The following ARID1B variants were observed in gnomAD, a reference collection of about 807,000 sequenced individuals.
ARID1B encodes the protein AT-rich interaction domain 1B.
Under a neutral mutation model 212.3 loss-of-function variants are expected in ARID1B, and 30 were observed. The observed-to-expected ratio is 0.14, with a 90% CI of 0.11 to 0.19. The LOEUF (loss-of-function observed/expected upper bound fraction) is 0.19. Among genes scored for constraint, ARID1B ranks in the 10% least tolerant of loss-of-function variants. ARID1B has a pLI of 1.00. For synonymous variants in ARID1B, 1,402 were observed against 1,301.7 expected, an observed-to-expected ratio of 1.08 and a Z score of -1.66; for missense variants, 2,891 against 3,204.0, an observed-to-expected ratio of 0.90 and a Z score of 2.36.
rs148319878 is a variant in ARID1B at position 157,129,789 on chromosome 6, T to C, written c.2582-3239T>C. Among the ~76,000 whole-genome samples the C allele has an allele frequency of 6.6e-5, 10 of 152,332 alleles. No homozygotes were observed. The East Asian group carries it at 1.9e-3, about 29-fold the overall frequency. On this transcript the variant is annotated intron_variant, in intron 6 of 19. Transcript: ENST00000636930. The stretch of plus-strand genomic sequence containing the variant: ...AGGACTGAGTAAATAGAAAAAGAAA[T>C]ACCTTGCCTAGGTAAGAATTCTTAG...
chr6:156,778,970 G>GGCAGCA lies in ARID1B; in HGVS notation c.1295_1300dup (p.Ala432_Ala433dup), dbSNP rs797045267. The GGCAGCA allele has an allele frequency of 2.0e-5, 25 of 1,280,992 alleles. No homozygotes were observed. The highest frequency in any genetic ancestry group is 4.8e-5 in the African/African-American group (3 of 63,008). 79.4% of individuals were successfully genotyped at this position (1,280,992 alleles called of 1,614,324 possible). A position where few individuals can be genotyped will look rare whatever the true frequency, so the allele number is the denominator to read the frequency against. On this transcript the variant is annotated inframe_insertion, in exon 1 of 20. Transcript: ENST00000636930. ...TGGCGGCGGCGGCCGCGGCGGCGGC[G>GGCAGCA]GCAGCAGCAGGAGGCGGCGGCGGCG...
intron 2 of ARID1B, among the ~76,000 whole-genome samples, chr6:156,866,294 G>A (rs1318081478): frequency 1.3e-5 from 2 of 152,150 alleles, no homozygotes; most frequent in African/African-American, 4.8e-5. Context: ...CCAGGGTGAA[G>A]GAGGAGCTGT....
intron 4 of ARID1B, among the ~76,000 whole-genome samples, chr6:157,039,742 TC>T (rs1781686457): frequency 1.4e-5 from 1 of 71,044 alleles, no homozygotes; most frequent in Non-Finnish European, 2.7e-5. Flanking sequence ...CCTCCCTCCC[TC>T]CCTTCCTTCC....
At chr6:157,191,950 A>G (rs1216773125) in intron 15 of ARID1B, among the ~76,000 whole-genome samples, 8 of 152,208 alleles carry the variant, frequency 5.3e-5, no homozygotes, top group African/African-American at 1.4e-4. Context: ...AACAATGGAG[A>G]GTCTTTAAAA....
chr6:156,819,795 G>A (rs774410193), intron 1 of ARID1B, among the ~76,000 whole-genome samples: 3 of 152,198 alleles, frequency 2.0e-5, no homozygotes, highest in Non-Finnish European at 2.9e-5. Flanking sequence ...TTCAGGGAGG[G>A]CTCCTCTAAG....
chr6:157,144,648 C>T (rs764598607), intron 7 of ARID1B, among the ~76,000 whole-genome samples: 42 of 150,406 alleles, frequency 2.8e-4, no homozygotes, highest in Admixed American at 6.6e-4. Context: ...AGGGAAAAGT[C>T]GTGAGGACTG....
intron 8 of ARID1B, among the ~76,000 whole-genome samples, chr6:157,154,816 C>T (rs533996032): frequency 9.9e-5 from 15 of 152,084 alleles, no homozygotes; most frequent in African/African-American, 3.6e-4. Flanking sequence ...CTCTTAACGT[C>T]GTGATCCACC....
At chr6:156,873,438 G>A (rs1041544331) in intron 2 of ARID1B, among the ~76,000 whole-genome samples, 1 of 152,148 alleles carries the variant, frequency 6.6e-6, no homozygotes, top group African/African-American at 2.4e-5. Context: ...TAAACTTAAA[G>A]CATATTTAGT....
At chr6:156,931,055 T>C (rs1791660901) in intron 3 of ARID1B, among the ~76,000 whole-genome samples, 1 of 152,008 alleles carries the variant, frequency 6.6e-6, no homozygotes, top group African/African-American at 2.4e-5. Context: ...CCAGGTGTGG[T>C]GGCACATGCC....
At chr6:156,846,952 C>T (rs1784274750) in intron 2 of ARID1B, among the ~76,000 whole-genome samples, 1 of 152,208 alleles carries the variant, frequency 6.6e-6, no homozygotes, top group African/African-American at 2.4e-5. Flanking sequence ...TTAATTATCA[C>T]TTGTCTTTCT....
At chr6:157,003,953 G>A (rs1779051979) in intron 4 of ARID1B, among the ~76,000 whole-genome samples, 1 of 151,968 alleles carries the variant, frequency 6.6e-6, no homozygotes, top group Admixed American at 6.6e-5. Flanking sequence ...TGGACAACAT[G>A]GTGAAATCCC....
intron 6 of ARID1B, among the ~76,000 whole-genome samples, chr6:157,112,081 G>A (rs936870628): frequency 6.6e-6 from 1 of 152,150 alleles, no homozygotes; most frequent in Admixed American, 6.5e-5. Flanking sequence ...CATGGAGGTC[G>A]AGGTTGCAAT....
chr6:156,897,365 C>A (rs1788564648), intron 2 of ARID1B, among the ~76,000 whole-genome samples: 1 of 151,096 alleles, frequency 6.6e-6, no homozygotes, highest in South Asian at 2.1e-4. Flanking sequence ...CCTCCACCTC[C>A]CAGGTTCAAG....
At chr6:156,920,129 G>A (rs1394193523) in intron 3 of ARID1B, among the ~76,000 whole-genome samples, 2 of 152,204 alleles carry the variant, frequency 1.3e-5, no homozygotes, top group African/African-American at 2.4e-5. Flanking sequence ...CAGAAAGTTG[G>A]GTAGAACTGG....
At chr6:156,838,354 G>A (rs1783652523) in intron 2 of ARID1B, among the ~76,000 whole-genome samples, 1 of 152,136 alleles carries the variant, frequency 6.6e-6, no homozygotes, top group Admixed American at 6.5e-5. Context: ...CCTGAGACAT[G>A]GTATAACCAG....
At chr6:156,851,767 T>G (rs1381719380) in intron 2 of ARID1B, among the ~76,000 whole-genome samples, 1 of 152,248 alleles carries the variant, frequency 6.6e-6, no homozygotes, top group Non-Finnish European at 1.5e-5. Context: ...CGTAGAAGAC[T>G]AACATAATGA....
intron 4 of ARID1B, among the ~76,000 whole-genome samples, chr6:156,968,790 C>G (rs1776711586): frequency 6.6e-6 from 1 of 152,234 alleles, no homozygotes; most frequent in Non-Finnish European, 1.5e-5. Context: ...GTCAAGGCTC[C>G]TTCCTCACAG....
intron 4 of ARID1B, among the ~76,000 whole-genome samples, chr6:156,984,074 A>AGGG (rs1225428665): frequency 6.6e-6 from 1 of 152,090 alleles, no homozygotes; most frequent in African/African-American, 2.4e-5. Flanking sequence ...GAAGTTGGGA[A>AGGG]GGGTGGGGTT....
At chr6:157,038,104 T>C (rs1781452739) in intron 4 of ARID1B, among the ~76,000 whole-genome samples, 1 of 152,260 alleles carries the variant, frequency 6.6e-6, no homozygotes, top group Admixed American at 6.5e-5. Flanking sequence ...TATTTGGTGA[T>C]AATTTTTAAA....
Sources: gnomAD v4.1 joint callset for allele counts (sites outside exome capture counted in the v4.1 genomes callset) on GRCh38, gnomAD v4.1.1 for gene constraint, MANE v1.5 for transcripts, NCBI Gene and HGNC (gene_info 2026-07-23, HGNC 2026-07-21) for gene names.